SLC26A7: variants seen among roughly 807,000 people sequenced by gnomAD.
SLC26A7 encodes anion exchange transporter.
Under a neutral mutation model 82.5 loss-of-function variants are expected in SLC26A7, and 59 were observed. That is an observed-to-expected ratio of 0.72 (90% CI 0.58 to 0.89). The LOEUF (loss-of-function observed/expected upper bound fraction) is 0.89. SLC26A7 is among the 40% of genes least tolerant of loss of function. SLC26A7 has a pLI of 0.00. For synonymous variants in SLC26A7, 271 were observed against 274.3 expected (o/e 0.99, Z 0.12); for missense variants, 820 against 793.0 (o/e 1.03, Z -0.41).
intron 15 of SLC26A7, among the ~76,000 whole-genome samples, chr8:91,381,071 A>G (rs989481576): frequency 1.3e-5 from 2 of 152,210 alleles, no homozygotes; most frequent in African/African-American, 4.8e-5. Flanking sequence ...TTTCATTCAT[A>G]TAAACTTAGA....
intron 2 of SLC26A7, among the ~76,000 whole-genome samples, chr8:91,234,266 A>G (rs1810354575): frequency 6.6e-6 from 1 of 152,190 alleles, no homozygotes; most frequent in Admixed American, 6.5e-5. Flanking sequence ...AAGCAAGTCT[A>G]TTGGACATAT....
Position 91,213,764 on chromosome 8 carries a change from T to A in SLC26A7, c.-150+4222T>A, listed in dbSNP as rs576552978. ...AGCCTTGAAATAGGTGGAATTCAGA[T>A]ACATGGAGAAGAAAGTAAACAGAAT... On this transcript the variant is annotated intron_variant, in intron 1 of 5. Coordinates refer to the SLC26A7 transcript ENST00000522862. Among the ~76,000 whole-genome samples, 10 of 152,214 alleles carry A rather than the reference T, an allele frequency of 6.6e-5. No individual in the cohort carries two copies. The East Asian group carries it at 1.5e-3, about 24-fold the overall frequency.
At chr8:91,367,878 G>A (rs1814240712) in intron 14 of SLC26A7, among the ~76,000 whole-genome samples, 1 of 152,126 alleles carries the variant, frequency 6.6e-6, no homozygotes, top group African/African-American at 2.4e-5. Context: ...TCCCATTTCT[G>A]ATGTCTTAGG....
At chr8:91,246,772 G>C (rs1044571630), upstream of SLC26A7, among the ~76,000 whole-genome samples, 3 of 151,756 alleles carry the variant, frequency 2.0e-5, no homozygotes, top group Admixed American at 1.3e-4. Flanking sequence ...CTACAACAGA[G>C]AGTCTCAGCA....
intron 13 of SLC26A7, among the ~76,000 whole-genome samples, chr8:91,365,037 A>T: frequency 8.1e-6 from 1 of 122,710 alleles, no homozygotes. Context: ...CCATTTATGC[A>T]CTCTTCCATC....
chr8:91,336,264 G>T lies in SLC26A7; in HGVS notation c.795+1817G>T, dbSNP rs529121103. On this transcript the variant is annotated intron_variant, in intron 6 of 18. Transcript: ENST00000276609. ...CAGATTAGAACCCTCTGAAGCAGGG[G>T]TCCTCAATCTCTGGGCCATGGACTG... Among the ~76,000 whole-genome samples the T allele has an allele frequency of 2.6e-5, 4 of 152,170 alleles. No individual in the cohort carries two copies. In the South Asian group the frequency reaches 8.3e-4, roughly 32 times the overall value.
At chr8:91,391,802 ATT>A (rs35320444) in intron 16 of SLC26A7, among the ~76,000 whole-genome samples, 1 of 145,464 alleles carries the variant, frequency 6.9e-6, no homozygotes, top group Admixed American at 6.9e-5. Flanking sequence ...AAACACTAGG[ATT>A]TTTTTTTTTT....
intron 9 of SLC26A7, 96 bp downstream of exon 9, chr8:91,343,562 C>A: frequency 1.3e-6 from 1 of 746,258 alleles, no homozygotes; most frequent in East Asian, 2.7e-5. Context: ...AGCCCTGAAA[C>A]TATTTTCACT....
intron 2 of SLC26A7, among the ~76,000 whole-genome samples, chr8:91,285,349 C>T (rs916735126): frequency 3.9e-5 from 6 of 152,182 alleles, no homozygotes; most frequent in South Asian, 2.1e-4. Context: ...CTTCACATGG[C>T]GTTCACACGC....
intron 4 of SLC26A7, among the ~76,000 whole-genome samples, chr8:91,299,471 G>T (rs1015258501): frequency 6.6e-6 from 1 of 151,804 alleles, no homozygotes; most frequent in Non-Finnish European, 1.5e-5. Flanking sequence ...GTTTATGCTT[G>T]TGAGTGGTGT....
At chr8:91,314,258 T>A (rs1812568450) in intron 4 of SLC26A7, among the ~76,000 whole-genome samples, 1 of 152,150 alleles carries the variant, frequency 6.6e-6, no homozygotes, top group Non-Finnish European at 1.5e-5. Flanking sequence ...GACATTGATA[T>A]CAAATTTAAA....
At chr8:91,330,354 T>C (rs1434121732) in intron 5 of SLC26A7, among the ~76,000 whole-genome samples, 4 of 152,142 alleles carry the variant, frequency 2.6e-5, no homozygotes, top group Non-Finnish European at 4.4e-5. Context: ...TTGGGCCAGA[T>C]GGGCTGAGTC....
At chr8:91,264,492 C>T (rs1222898523) in intron 2 of SLC26A7, among the ~76,000 whole-genome samples, 1 of 151,888 alleles carries the variant, frequency 6.6e-6, no homozygotes, top group Non-Finnish European at 1.5e-5. Flanking sequence ...CCTGGAAAAC[C>T]AAAATGCTAC....
intron 15 of SLC26A7, among the ~76,000 whole-genome samples, chr8:91,371,544 C>T (rs1363927353): frequency 6.7e-6 from 1 of 149,382 alleles, no homozygotes; most frequent in African/African-American, 2.5e-5. Context: ...CCTCCAGCTC[C>T]ATCCATGTTG....
At position 91,217,607 on chromosome 8, in the gene SLC26A7, G is replaced by A. The variant is rs1054623226; in HGVS notation, c.-149-1283G>A. Reference sequence around the variant, plus strand: ...TCATTGCCTGGGCCGCAGTTACATGGTCATATATTGAGCCAGGGAGTGAGA... The same window carrying A: ...TCATTGCCTGGGCCGCAGTTACATGATCATATATTGAGCCAGGGAGTGAGA... On this transcript the variant is annotated intron_variant, in intron 1 of 5. Transcript: ENST00000522862. Among the ~76,000 whole-genome samples the A allele has an allele frequency of 2.0e-5, 3 of 152,074 alleles. No individual in the cohort carries two copies. In the South Asian group the frequency reaches 6.2e-4, roughly 31 times the overall value.
In SLC26A7 at chr8:91,223,955, G is replaced by A. The variant is rs138468659; in HGVS notation, c.-34+4950G>A. On this transcript the variant is annotated intron_variant, in intron 2 of 5. Transcript: ENST00000522862. ...TTCAGACTCTGATATCCTTTCTTCT[G>A]CTTGGTTGATTTGGCTGTTGATACT... Among the ~76,000 whole-genome samples the A allele has an allele frequency of 1.5e-4, 23 of 151,506 alleles. No homozygotes were observed. In the East Asian group the frequency reaches 4.5e-3, roughly 30 times the overall value.
At chr8:91,315,018 C>G (rs569924814) in intron 4 of SLC26A7, among the ~76,000 whole-genome samples, 1 of 152,226 alleles carries the variant, frequency 6.6e-6, no homozygotes, top group African/African-American at 2.4e-5. Context: ...GTAGGTGACA[C>G]TTAAGGTTAG....
chr8:91,323,671 T>G (rs1294218350), intron 5 of SLC26A7, among the ~76,000 whole-genome samples: 2 of 152,180 alleles, frequency 1.3e-5, no homozygotes, highest in Admixed American at 6.5e-5. Context: ...TATCATATAG[T>G]TATTGATTAG....
At chr8:91,300,521 C>G (rs1183357439) in intron 4 of SLC26A7, among the ~76,000 whole-genome samples, 5 of 151,642 alleles carry the variant, frequency 3.3e-5, no homozygotes, top group Non-Finnish European at 1.5e-5. Flanking sequence ...CCTCAGCCTC[C>G]CAAGTAGCTG....
Sources: allele counts gnomAD v4.1 joint callset (sites outside exome capture counted in the v4.1 genomes callset), GRCh38; gene constraint gnomAD v4.1.1; transcripts MANE v1.5; gene names NCBI Gene and HGNC (gene_info 2026-07-23, HGNC 2026-07-21).